The following NKAIN1 variants were observed in gnomAD, a reference collection of about 807,000 sequenced individuals.
The protein encoded by NKAIN1 is sodium/potassium transporting ATPase interacting 1.
A neutral mutation model predicts 31.6 loss-of-function variants in NKAIN1; 13 were observed. The ratio of observed to expected loss-of-function variants is 0.41; its 90% CI spans 0.27 to 0.65. The LOEUF is 0.65. Among genes scored for constraint, NKAIN1 ranks in the 30% least tolerant of loss-of-function variants. NKAIN1 has a pLI of 0.30. For synonymous variants in NKAIN1, 104 were observed against 109.0 expected, an observed-to-expected ratio of 0.95 and a Z score of 0.28; for missense variants, 193 against 262.2, an observed-to-expected ratio of 0.74 and a Z score of 1.82.
intron 3 of NKAIN1, 105 bp from the exon 4 acceptor site, chr1:31,184,119 C>T: frequency 2.1e-6 from 2 of 946,252 alleles, no homozygotes; most frequent in Non-Finnish European, 1.6e-6. Flanking sequence ...ATTCAGGGAG[C>T]CTGCACCTGC....
At chr1:31,191,152 G>A (rs1160824536) in intron 1 of NKAIN1, among the ~76,000 whole-genome samples, 6 of 152,190 alleles carry the variant, frequency 3.9e-5, no homozygotes, top group South Asian at 2.1e-4. Flanking sequence ...TTAGCTGGGT[G>A]TGGTGGCACA....
At position 31,185,290 on chromosome 1, in the gene NKAIN1, G is replaced by T. The variant is rs1045686153; in HGVS notation, c.230C>A (p.Ala77Glu). The T allele has an allele frequency of 1.2e-6, 2 of 1,610,966 alleles. No homozygotes were observed. Among genetic ancestry groups the T allele is most frequent in the Admixed American group, 3.4e-5 (2 of 59,614 alleles). Residue 77 changes from alanine (A) to glutamate (E), a missense_variant, in exon 3 of 7, where the codon GCA becomes GAA. By Grantham distance (107) the Ala-to-Glu change is moderately radical. Coordinates refer to ENST00000373736, the MANE Select transcript of NKAIN1 (RefSeq NM_024522.3). ...CTCCAAGTAGAAGCAGATGATAAAT[G>T]CATTCCAGCCAACCCAGAGCACCAG... ...AWLVLWVGWN[A>E]FIICFYLEVG... is the part of the protein sequence containing the mutation.
At chr1:31,204,508 C>T (rs1157281528) in intron 1 of NKAIN1, among the ~76,000 whole-genome samples, 1 of 152,174 alleles carries the variant, frequency 6.6e-6, no homozygotes, top group African/African-American at 2.4e-5. Flanking sequence ...GCCGGGACCC[C>T]GGCAAGCTCT....
At chr1:31,216,729 T>TATTTATTA (rs1645516594) in intron 1 of NKAIN1, among the ~76,000 whole-genome samples, 5 of 151,738 alleles carry the variant, frequency 3.3e-5, no homozygotes, top group Admixed American at 6.6e-5. Context: ...TTTATTTATT[T>TATTTATTA]ATTGAGACAG....
At chr1:31,186,144 C>A (rs947448747) in intron 2 of NKAIN1, among the ~76,000 whole-genome samples, 4 of 151,794 alleles carry the variant, frequency 2.6e-5, no homozygotes, top group Non-Finnish European at 5.9e-5. Context: ...GGGCAGATCA[C>A]CTGAGGTCGG....
chr1:31,218,963 G>T (rs1458231939), intron 1 of NKAIN1, among the ~76,000 whole-genome samples: 5 of 152,200 alleles, frequency 3.3e-5, no homozygotes, highest in Non-Finnish European at 5.9e-5. Flanking sequence ...GGCATCACCC[G>T]AGGCTGATCA....
intron 1 of NKAIN1, among the ~76,000 whole-genome samples, chr1:31,219,244 G>A (rs1290394864): frequency 1.3e-5 from 2 of 152,254 alleles, no homozygotes; most frequent in African/African-American, 4.8e-5. Flanking sequence ...TCAGCATATG[G>A]GAAAGCCAGC....
intron 1 of NKAIN1, among the ~76,000 whole-genome samples, chr1:31,222,617 A>G (rs1645572663): frequency 6.6e-6 from 1 of 152,202 alleles, no homozygotes; most frequent in African/African-American, 2.4e-5. Context: ...CTCTTCAACC[A>G]GGAGACGGAT....
chr1:31,214,219 C>T (rs978244436), intron 1 of NKAIN1, among the ~76,000 whole-genome samples: 1 of 151,832 alleles, frequency 6.6e-6, no homozygotes, highest in Non-Finnish European at 1.5e-5. Flanking sequence ...TACAAAATGT[C>T]CAGCATAGGC....
Position 31,181,624 on chromosome 1 carries a change from C to A in NKAIN1, c.*79G>T. On this transcript the variant is annotated 3_prime_UTR_variant, in exon 7 of 7. Transcript: ENST00000373736. ...GTGAGCGCGCGGGCCACCAGGGGGA[C>A]ACGCCTGCGCCTTGGCCCGAGCTCG... 2 of 1,354,906 alleles carry A rather than the reference C, an allele frequency of 1.5e-6. No individual in the cohort carries two copies. The highest frequency in any genetic ancestry group is 1.8e-5 in the South Asian group (1 of 55,356). The allele number at this position is 1,354,906 out of a possible 1,614,324, so 83.9% of individuals were successfully genotyped here. A position where few individuals can be genotyped will look rare whatever the true frequency, so the allele number is the denominator to read the frequency against.
In NKAIN1 at chr1:31,185,263, A is replaced by G; in HGVS notation, c.257T>C (p.Val86Ala). The G allele has an allele frequency of 6.2e-7, 1 of 1,609,534 alleles. No homozygotes were observed. The highest frequency in any genetic ancestry group is 1.3e-5 in the African/African-American group (1 of 74,988). Reference protein sequence around the residue: ...NAFIICFYLEVGQLSQDRDFI... With the variant: ...NAFIICFYLEAGQLSQDRDFI... ...GAGGCTTACCTGGGACAGCTGTCCAACCTCCAAGTAGAAGCAGATGATAAA... is the reference window on the plus strand; with the variant it reads ...GAGGCTTACCTGGGACAGCTGTCCAGCCTCCAAGTAGAAGCAGATGATAAA... Residue 86 changes from valine to alanine, a missense_variant, in exon 3 of 7, where the codon GTT (valine) becomes GCT (alanine). Coordinates refer to ENST00000373736, the MANE Select transcript of NKAIN1 (RefSeq NM_024522.3).
chr1:31,216,529 T>A (rs1645513847), intron 1 of NKAIN1, among the ~76,000 whole-genome samples: 1 of 152,000 alleles, frequency 6.6e-6, no homozygotes, highest in Non-Finnish European at 1.5e-5. Context: ...TTGCCTGAGG[T>A]CATATGGCAG....
intron 1 of NKAIN1, among the ~76,000 whole-genome samples, chr1:31,209,034 G>A (rs967091610): frequency 1.3e-5 from 2 of 152,170 alleles, no homozygotes; most frequent in South Asian, 2.1e-4. Context: ...GATGCCCTCC[G>A]TGGCTTTAAC....
chr1:31,231,977 G>A (rs1432503084), intron 1 of NKAIN1, among the ~76,000 whole-genome samples: 1 of 151,244 alleles, frequency 6.6e-6, no homozygotes, highest in Admixed American at 6.6e-5. Flanking sequence ...GTAGGGCAGT[G>A]GTGCAATCAT....
chr1:31,239,636 C>T lies in NKAIN1; in HGVS notation c.-89G>A, dbSNP rs1183643092. On this transcript the variant is annotated 5_prime_UTR_variant, in exon 1 of 7. Transcript: ENST00000373736. This position sits in a 1 kb window ranked among gnomAD's most constrained non-coding sequence, Gnocchi z 4.8. Reference sequence around the variant, plus strand: ...TCGCGCCGCGCGGGCTCCACGTCCTCCCCGCTGGGCGCGCCGGGCGGCGGG... The same window carrying T: ...TCGCGCCGCGCGGGCTCCACGTCCTTCCCGCTGGGCGCGCCGGGCGGCGGG... 4 of 687,636 alleles carry T rather than the reference C, an allele frequency of 5.8e-6. No homozygotes were observed. The highest frequency in any genetic ancestry group is 7.2e-6 in the Non-Finnish European group (4 of 554,216). The allele number at this position is 687,636 out of a possible 1,614,324, so 42.6% of individuals were successfully genotyped here. A position where few individuals can be genotyped will look rare whatever the true frequency, so the allele number is the denominator to read the frequency against.
At chr1:31,225,325 CTTTTTTTTTTTTT>C (rs139451212) in intron 1 of NKAIN1, among the ~76,000 whole-genome samples, 1 of 52,154 alleles carries the variant, frequency 1.9e-5, no homozygotes, top group Non-Finnish European at 3.5e-5. Context: ...CATGCCCGGC[CTTTTTTTTTTTTT>C]TTTTTTTTTT....
At position 31,239,049 on chromosome 1, in the gene NKAIN1, C is replaced by T. The variant is rs368437496; in HGVS notation, c.54+445G>A. On this transcript the variant is annotated intron_variant, in intron 1 of 6. Coordinates refer to ENST00000373736, the MANE Select transcript of NKAIN1 (RefSeq NM_024522.3). The surrounding 1 kb of genome is among the most constrained non-coding windows in gnomAD (Gnocchi z 4.8). Reference sequence around the variant, plus strand: ...GCAGAGACTTTGTGAGAAACGCTCACACAGGGGTGGTGATCAGAGGCAGAG... The same window carrying T: ...GCAGAGACTTTGTGAGAAACGCTCATACAGGGGTGGTGATCAGAGGCAGAG... Among the ~76,000 whole-genome samples the T allele has an allele frequency of 1.9e-4, 29 of 152,230 alleles. No homozygotes were observed. Among genetic ancestry groups the T allele is most frequent in the African/African-American group, 6.5e-4 (27 of 41,536 alleles).
In NKAIN1 at chr1:31,239,435, T is replaced by C; in HGVS notation, c.54+59A>G. The stretch of plus-strand genomic sequence containing the variant: ...CACACGCAACCCCACCCGCACGCCC[T>C]GGGACCGCGCCCCGCCGCGCCCCAC... On this transcript the variant is annotated intron_variant, in intron 1 of 6. Coordinates refer to ENST00000373736, the MANE Select transcript of NKAIN1 (RefSeq NM_024522.3). The surrounding 1 kb of genome is among the most constrained non-coding windows in gnomAD (Gnocchi z 4.8). 1.5e-6 allele frequency: 2 copies of C among 1,344,270 alleles called. No individual in the cohort carries two copies. The highest frequency in any genetic ancestry group is 1.5e-5 in the South Asian group (1 of 67,084). The allele number at this position is 1,344,270 out of a possible 1,614,324, so 83.3% of individuals were successfully genotyped here. A position where few individuals can be genotyped will look rare whatever the true frequency, so the allele number is the denominator to read the frequency against.
In NKAIN1 at chr1:31,208,840, C is replaced by T. The variant is rs771150642; in HGVS notation, c.55-20653G>A. Among the ~76,000 whole-genome samples the T allele has an allele frequency of 3.6e-4, 55 of 152,306 alleles. 1 individual carries two copies. The highest frequency in any genetic ancestry group is 3.4e-3 in the Middle Eastern group (1 of 294). The stretch of plus-strand genomic sequence containing the variant: ...CTGGTGTGGGTCTATAACATGCTGT[C>T]GGACTCTGCGAGTTGTGATACTGAG... On this transcript the variant is annotated intron_variant, in intron 1 of 6. Coordinates refer to ENST00000373736, the MANE Select transcript of NKAIN1 (RefSeq NM_024522.3).
Sources: allele counts gnomAD v4.1 joint callset (sites outside exome capture counted in the v4.1 genomes callset), GRCh38; gene constraint gnomAD v4.1.1; non-coding constraint Gnocchi (gnomAD v3.1); transcripts MANE v1.5; gene names NCBI Gene and HGNC (gene_info 2026-07-23, HGNC 2026-07-21).